The following GLI3 variants were observed in gnomAD, a reference collection of about 807,000 sequenced individuals.
The protein encoded by GLI3 is transcription activator GLI3.
GLI3 carries 20 observed loss-of-function variants against 100.8 expected under a neutral mutation model. The observed-to-expected ratio is 0.20, with a 90% confidence interval of 0.14 to 0.29. GLI3 has a LOEUF of 0.29. Ranked by LOEUF, GLI3 falls within the 10% of genes least tolerant of loss-of-function variation. The pLI, the probability that GLI3 is intolerant of heterozygous loss-of-function variation, is 1.00. For synonymous variants in GLI3, 938 were observed against 860.5 expected (o/e 1.09, Z -1.58); for missense variants, 2,040 against 2,128.5 (o/e 0.96, Z 0.82).
chr7:42,158,854 A>C (rs577180107), intron 2 of GLI3, among the ~76,000 whole-genome samples: 1 of 152,326 alleles, frequency 6.6e-6, no homozygotes, highest in African/African-American at 2.4e-5. Context: ...GTCAGGAAGA[A>C]TACTACAGAC....
intron 2 of GLI3, among the ~76,000 whole-genome samples, chr7:42,186,344 T>C (rs1017653503): frequency 6.6e-6 from 1 of 152,202 alleles, no homozygotes; most frequent in Non-Finnish European, 1.5e-5. Flanking sequence ...CTCTCCGCCT[T>C]GGTTAGCACC....
At chr7:42,255,284 C>T (rs1039371961) in intron 1 of GLI3, among the ~76,000 whole-genome samples, 3 of 152,170 alleles carry the variant, frequency 2.0e-5, no homozygotes, top group South Asian at 2.1e-4. Context: ...TACACTCTCT[C>T]ATAGCACTGC....
Position 42,128,285 on chromosome 7 carries a change from TATCAACCTATCATGTATTTCTATTGA to T in GLI3, c.367+19915_367+19940del, listed in dbSNP as rs577914744. Among the ~76,000 whole-genome samples the T allele has an allele frequency of 2.5e-3, 380 of 152,310 alleles. 2 individuals are homozygous for T. The highest frequency in any genetic ancestry group is 0.017 in the Middle Eastern group (5 of 294). On this transcript the variant is annotated intron_variant, in intron 3 of 14. Transcript: ENST00000395925. ...AATTCAATTATTTGATTTAAATTTC[TATCAACCTATCATGTATTTCTATTGA>T]ATACTACCAGTTGGATATGGTTGTT... is the stretch of plus-strand genomic sequence containing the variant.
intron 2 of GLI3, chr7:42,222,786 G>A (rs1210483703): frequency 6.5e-6 from 2 of 306,390 alleles, no homozygotes; most frequent in South Asian, 3.1e-5. Flanking sequence ...TAATTATTCC[G>A]AGTAGTGTAG....
chr7:41,974,431 G>A (rs938021660), intron 12 of GLI3, among the ~76,000 whole-genome samples: 1 of 152,182 alleles, frequency 6.6e-6, no homozygotes, highest in Admixed American at 6.5e-5. Flanking sequence ...AAATTTTGTT[G>A]TGATCAGTGA....
chr7:42,137,303 C>T (rs962932569), intron 3 of GLI3, among the ~76,000 whole-genome samples: 1 of 152,198 alleles, frequency 6.6e-6, no homozygotes, highest in Non-Finnish European at 1.5e-5. Flanking sequence ...CGTCACTGCA[C>T]ACCAGCCAGA....
intron 2 of GLI3, among the ~76,000 whole-genome samples, chr7:42,218,741 T>C (rs1049958996): frequency 6.6e-6 from 1 of 152,200 alleles, no homozygotes; most frequent in Non-Finnish European, 1.5e-5. Context: ...AGCGTTAGGA[T>C]AATAATTTCT....
intron 2 of GLI3, among the ~76,000 whole-genome samples, chr7:42,165,659 T>C (rs1237806855): frequency 1.3e-5 from 2 of 152,204 alleles, no homozygotes; most frequent in African/African-American, 4.8e-5. Context: ...TGTCTATAAC[T>C]AGCTGCTAGT....
intron 1 of GLI3, 139 bp from the exon 2 acceptor site, chr7:42,223,434 G>A (rs1395698575): frequency 1.9e-6 from 1 of 535,642 alleles, no homozygotes; most frequent in Non-Finnish European, 3.3e-6. Flanking sequence ...TTCTCCACAG[G>A]TTTTCTGGCA....
chr7:42,155,111 G>T, intron 2 of GLI3, among the ~76,000 whole-genome samples: 1 of 152,178 alleles, frequency 6.6e-6, no homozygotes, highest in Non-Finnish European at 1.5e-5. Context: ...TCACCAACCA[G>T]GAGGTCCCAG....
intron 10 of GLI3, among the ~76,000 whole-genome samples, chr7:42,005,178 C>T (rs570542394): frequency 5.3e-5 from 8 of 151,940 alleles, no homozygotes; most frequent in Non-Finnish European, 1.2e-4. Context: ...ATAAAAGTTG[C>T]CTCTGGTTTT....
At chr7:42,172,371 C>T (rs1373953511) in intron 2 of GLI3, 1 of 598,514 alleles carries the variant, frequency 1.7e-6, no homozygotes, top group South Asian at 2.0e-5. Flanking sequence ...TGTCTTAACT[C>T]ACTGCCTCTG....
At chr7:42,015,364 C>T (rs1451249940) in intron 10 of GLI3, among the ~76,000 whole-genome samples, 6 of 152,186 alleles carry the variant, frequency 3.9e-5, no homozygotes, top group African/African-American at 1.2e-4. Flanking sequence ...GAGGATATCC[C>T]ATTTACAGTT....
At chr7:41,983,987 G>A (rs149795946) in intron 10 of GLI3, among the ~76,000 whole-genome samples, 1 of 152,232 alleles carries the variant, frequency 6.6e-6, no homozygotes, top group Non-Finnish European at 1.5e-5. Flanking sequence ...TTCTTCCACT[G>A]TTTCTTCCAC....
At chr7:42,064,825 C>A (rs867978531) in intron 4 of GLI3, among the ~76,000 whole-genome samples, 1 of 152,218 alleles carries the variant, frequency 6.6e-6, no homozygotes, top group Non-Finnish European at 1.5e-5. Context: ...AATCCTCCCT[C>A]TGTGAAGAAG....
chr7:41,966,274 G>A lies in GLI3; in HGVS notation c.2799C>T (p.Tyr933=). 6.2e-7 allele frequency: 1 copy of A among 1,607,960 alleles called. No individual in the cohort carries two copies. The highest frequency in any genetic ancestry group is 8.5e-7 in the Non-Finnish European group (1 of 1,179,200). Residue 933 remains tyrosine, a synonymous_variant, in exon 15 of 15, where the codon TAC becomes TAT. Coordinates refer to ENST00000395925, the MANE Select transcript of GLI3 (RefSeq NM_000168.6). The surrounding 1 kb of genome is among the most constrained non-coding windows in gnomAD (Gnocchi z 5.8). ...PAQQYRLKAK[Y]AAATGGPPPT... is the part of the protein sequence containing the mutation. ...GCGGCGGCCCTCCTGTGGCAGCCGC[G>A]TACTTGGCCTTGAGGCGGTACTGCT...
intron 1 of GLI3, among the ~76,000 whole-genome samples, chr7:42,249,764 C>T (rs1789012484): frequency 7.6e-6 from 1 of 131,328 alleles, no homozygotes; most frequent in Non-Finnish European, 1.7e-5. Flanking sequence ...TACACATGTA[C>T]ATGCACAAAC....
chr7:42,228,559 C>T (rs984299711), intron 1 of GLI3, among the ~76,000 whole-genome samples: 2 of 152,180 alleles, frequency 1.3e-5, no homozygotes, highest in Non-Finnish European at 2.9e-5. Flanking sequence ...CCAGCAAACA[C>T]TGGCAAGGGC....
At chr7:42,185,519 G>A (rs1355953414) in intron 2 of GLI3, among the ~76,000 whole-genome samples, 3 of 152,116 alleles carry the variant, frequency 2.0e-5, no homozygotes, top group Non-Finnish European at 4.4e-5. Context: ...GCCATTTCTT[G>A]GGCAATTCTC....
Sources: allele counts gnomAD v4.1 joint callset (sites outside exome capture counted in the v4.1 genomes callset), GRCh38; gene constraint gnomAD v4.1.1; non-coding constraint Gnocchi (gnomAD v3.1); transcripts MANE v1.5; gene names NCBI Gene and HGNC (gene_info 2026-07-23, HGNC 2026-07-21).